The following PDLIM5 variants were observed in gnomAD, a reference collection of about 807,000 sequenced individuals.
PDLIM5 encodes PDZ and LIM domain protein 5.
In PDLIM5, 34 loss-of-function variants were observed where a neutral mutation model predicts 64.2. That is an observed-to-expected ratio of 0.53 (90% CI 0.40 to 0.71). The LOEUF is 0.71. Ranked by LOEUF, PDLIM5 falls within the 30% of genes least tolerant of loss-of-function variation. The probability of loss-of-function intolerance (pLI) is 0.00; values close to 1 mark genes in which losing one functional copy is unlikely to be tolerated. For missense variants in PDLIM5, 683 were observed against 733.6 expected, an observed-to-expected ratio of 0.93 and a Z score of 0.80; for synonymous variants, 253 against 269.1, an observed-to-expected ratio of 0.94 and a Z score of 0.59.
At chr4:94,525,345 G>C (rs1205358659) in intron 3 of PDLIM5, among the ~76,000 whole-genome samples, 2 of 152,080 alleles carry the variant, frequency 1.3e-5, no homozygotes, top group African/African-American at 4.8e-5. Context: ...TTGAACTCTA[G>C]AGGTGGAGGT....
At chr4:94,546,789 T>C (rs1024383367) in intron 3 of PDLIM5, among the ~76,000 whole-genome samples, 4 of 152,020 alleles carry the variant, frequency 2.6e-5, no homozygotes, top group African/African-American at 9.7e-5. Context: ...ACTTAAAATT[T>C]TTACTTAATA....
chr4:94,590,535 G>A (rs928538465), intron 7 of PDLIM5, among the ~76,000 whole-genome samples: 2 of 152,192 alleles, frequency 1.3e-5, no homozygotes, highest in African/African-American at 2.4e-5. Context: ...TGAGGTAATT[G>A]TGTTACCAAG....
intron 2 of PDLIM5, among the ~76,000 whole-genome samples, chr4:94,509,473 T>TG (rs1728676839): frequency 6.6e-6 from 1 of 152,214 alleles, no homozygotes; most frequent in African/African-American, 2.4e-5. Context: ...TGCCATATGA[T>TG]GCCATGCCTA....
chr4:94,591,145 A>G (rs1416523855), intron 7 of PDLIM5, among the ~76,000 whole-genome samples: 1 of 152,250 alleles, frequency 6.6e-6, no homozygotes, highest in African/African-American at 2.4e-5. Flanking sequence ...CACAATAGTG[A>G]TGAATTTGAG....
chr4:94,639,892 T>G (rs895671065), intron 8 of PDLIM5, among the ~76,000 whole-genome samples: 1 of 151,990 alleles, frequency 6.6e-6, no homozygotes, highest in Non-Finnish European at 1.5e-5. Context: ...CCAGGCATGG[T>G]GGTGCATGCC....
In PDLIM5 at chr4:94,585,620, C is replaced by G. The variant is rs150388657; in HGVS notation, c.766C>G (p.His256Asp). Reference sequence around the variant, plus strand: ...TACAGAGTTTTATCATGTACCCACTCACAGTGATGCCAGCAAGAAGAGACT... The same window carrying G: ...TACAGAGTTTTATCATGTACCCACTGACAGTGATGCCAGCAAGAAGAGACT... ...RYTEFYHVPTHSDASKKRLIE... is the reference protein window; with the variant it reads ...RYTEFYHVPTDSDASKKRLIE... Residue 256 changes from histidine (H) to aspartate (D), a missense_variant, in exon 6 of 13, where the codon CAC becomes GAC. Transcript: ENST00000317968. 3 of 1,613,002 alleles carry G rather than the reference C, an allele frequency of 1.9e-6. No individual in the cohort carries two copies. In the African/African-American group the frequency reaches 4.0e-5, roughly 22 times the overall value.
At position 94,452,413 on chromosome 4, in the gene PDLIM5, C is replaced by G. The variant is rs567524099; in HGVS notation, c.-43+418C>G. ...TGTGGTGTCTGAGTGCCCAGTCCTG[C>G]GCCAGTCTCTTGGAGGGTAGGAAGC... On this transcript the variant is annotated intron_variant, in intron 1 of 12. Coordinates refer to ENST00000317968, the MANE Select transcript of PDLIM5 (RefSeq NM_006457.5). 4.6e-5 allele frequency among the ~76,000 whole-genome samples: 7 copies of G among 152,290 alleles called. No homozygotes were observed. The South Asian group carries it at 1.4e-3, about 32-fold the overall frequency.
chr4:94,499,371 G>A (rs1199137582), intron 2 of PDLIM5, among the ~76,000 whole-genome samples: 1 of 151,812 alleles, frequency 6.6e-6, no homozygotes, highest in Non-Finnish European at 1.5e-5. Flanking sequence ...ATATTCATAA[G>A]GTTCTAACAA....
chr4:94,612,499 G>A (rs915712412), intron 7 of PDLIM5, among the ~76,000 whole-genome samples: 9 of 152,072 alleles, frequency 5.9e-5, no homozygotes, highest in East Asian at 3.9e-4. Flanking sequence ...TTTAGGACCC[G>A]GTAAGAGCTA....
intron 7 of PDLIM5, among the ~76,000 whole-genome samples, chr4:94,589,289 CAGACA>C (rs1736490268): frequency 6.6e-6 from 1 of 152,022 alleles, no homozygotes; most frequent in South Asian, 2.1e-4. Flanking sequence ...TTCCCTAATA[CAGACA>C]AGAGAACATG....
Position 94,665,500 on chromosome 4 carries a change from AAAAAAAGAG to A in PDLIM5, c.*1435_*1443del, listed in dbSNP as rs1193359379. On this transcript the variant is annotated 3_prime_UTR_variant, in exon 13 of 13. Coordinates refer to ENST00000317968, the MANE Select transcript of PDLIM5 (RefSeq NM_006457.5). ...GGCTCTTAAAAAAAAAAAAAAAAAA[AAAAAAAGAG>A]AGAGAGAGAATAAATAGAAAAGAAT... 1.9e-5 allele frequency: 15 copies of A among 793,492 alleles called. No individual in the cohort carries two copies. Among genetic ancestry groups the A allele is most frequent in the African/African-American group, 6.0e-5 (3 of 50,130 alleles). The allele number at this position is 793,492 out of a possible 1,614,324, so 49.2% of individuals were successfully genotyped here.
rs372871734 is a variant in PDLIM5, at chr4:94,517,474, C to T, written c.97-6250C>T. On this transcript the variant is annotated intron_variant, in intron 2 of 12. Coordinates refer to ENST00000317968, the MANE Select transcript of PDLIM5 (RefSeq NM_006457.5). ...GATTTTAAGAAAAATAACACTTTCT[C>T]AGTGCTTTTTCTGCCTCAAGAAAGT... Among the ~76,000 whole-genome samples the T allele has an allele frequency of 2.3e-4, 35 of 152,306 alleles. No homozygotes were observed. The East Asian group carries it at 2.9e-3, about 13-fold the overall frequency.
In PDLIM5 at chr4:94,574,649, C is replaced by T. The variant is rs559207109; in HGVS notation, c.292-967C>T. Among the ~76,000 whole-genome samples the T allele has an allele frequency of 4.7e-4, 71 of 152,202 alleles. 2 individuals carry two copies. The South Asian group carries it at 0.013, about 27-fold the overall frequency. On this transcript the variant is annotated intron_variant, in intron 4 of 12. Coordinates refer to ENST00000317968, the MANE Select transcript of PDLIM5 (RefSeq NM_006457.5). ...GATTTATTCTTGATCTGAAGTCTAA[C>T]GCTCTACCTCTGAGCTATCCCGCCT...
chr4:94,464,195 G>T (rs1724143597), intron 2 of PDLIM5, among the ~76,000 whole-genome samples: 1 of 152,212 alleles, frequency 6.6e-6, no homozygotes, highest in Admixed American at 6.5e-5. Flanking sequence ...TCTGTGAATT[G>T]TTAAACATTT....
chr4:94,556,517 C>A (rs1216539822), intron 3 of PDLIM5, among the ~76,000 whole-genome samples: 1 of 152,124 alleles, frequency 6.6e-6, no homozygotes, highest in Non-Finnish European at 1.5e-5. Flanking sequence ...TTTACAGTCC[C>A]ACCAACAGTG....
At chr4:94,659,607 A>C (rs1033606330) in intron 11 of PDLIM5, among the ~76,000 whole-genome samples, 5 of 151,308 alleles carry the variant, frequency 3.3e-5, no homozygotes, top group Non-Finnish European at 7.4e-5. Context: ...GGCTCACTGC[A>C]AGCTCTGCCT....
intron 4 of PDLIM5, 88 bp from the exon 5 acceptor site, chr4:94,575,527 TA>T: frequency 1.1e-6 from 1 of 928,624 alleles, no homozygotes; most frequent in Non-Finnish European, 1.7e-6. Context: ...GTTTGTCTTT[TA>T]AAAAATCAGC....
In PDLIM5 at chr4:94,637,527, C is replaced by G. The variant is rs1469196969; in HGVS notation, c.1109-2749C>G. 1.3e-5 allele frequency among the ~76,000 whole-genome samples: 2 copies of G among 152,176 alleles called. 1 individual carries two copies. Among genetic ancestry groups the G allele is most frequent in the Middle Eastern group, 6.3e-3 (2 of 316 alleles). On this transcript the variant is annotated intron_variant, in intron 8 of 12. Transcript: ENST00000317968. ...TGAGCAGAGATCGTGCCGTTGCACT[C>G]CAGCCTGGGCGACAGGGCGAGACTC...
At chr4:94,613,222 G>A (rs1049410278) in intron 7 of PDLIM5, among the ~76,000 whole-genome samples, 6 of 151,958 alleles carry the variant, frequency 3.9e-5, no homozygotes, top group African/African-American at 7.2e-5. Flanking sequence ...TAAGACTTTA[G>A]CCAAAAACTG....
Sources: allele counts gnomAD v4.1 joint callset (sites outside exome capture counted in the v4.1 genomes callset), GRCh38; gene constraint gnomAD v4.1.1; transcripts MANE v1.5; gene names NCBI Gene and HGNC (gene_info 2026-07-23, HGNC 2026-07-21).